NR6A1: variants seen among roughly 807,000 people sequenced by gnomAD.
NR6A1 encodes retinoic acid receptor-related testis-associated receptor.
A neutral mutation model predicts 59.1 loss-of-function variants in NR6A1; 7 were observed. The ratio of observed to expected loss-of-function variants is 0.12; its 90% CI spans 0.07 to 0.22. The LOEUF is 0.22. NR6A1 is among the 10% of genes least tolerant of loss of function. NR6A1 has a pLI of 1.00. For synonymous variants in NR6A1, 243 were observed against 236.1 expected (o/e 1.03, Z -0.27); for missense variants, 468 against 611.6 (o/e 0.77, Z 2.48).
intron 2 of NR6A1, among the ~76,000 whole-genome samples, chr9:124,714,313 T>C (rs891988980): frequency 9.8e-5 from 15 of 152,362 alleles, no homozygotes; most frequent in African/African-American, 1.7e-4. Context: ...ATGCTGGTGA[T>C]AGCTGCACAA....
At chr9:124,742,949 T>C (rs1163198270) in intron 1 of NR6A1, among the ~76,000 whole-genome samples, 2 of 152,214 alleles carry the variant, frequency 1.3e-5, no homozygotes, top group African/African-American at 4.8e-5. Flanking sequence ...TGGCTAGCCA[T>C]CCATAGACCT....
At chr9:124,646,580 C>T (rs961758979) in intron 2 of NR6A1, among the ~76,000 whole-genome samples, 3 of 152,178 alleles carry the variant, frequency 2.0e-5, no homozygotes, top group African/African-American at 4.8e-5. Context: ...AATCTTTAAG[C>T]TTCCCTGGGC....
intron 2 of NR6A1, among the ~76,000 whole-genome samples, chr9:124,666,556 A>G (rs1327444201): frequency 2.0e-5 from 3 of 152,154 alleles, no homozygotes; most frequent in Non-Finnish European, 4.4e-5. Flanking sequence ...TGGGATTACA[A>G]GCATGAGCAA....
intron 2 of NR6A1, among the ~76,000 whole-genome samples, chr9:124,687,311 T>TTTATTTATTTATTTAC (rs1838368503): frequency 6.6e-6 from 1 of 151,320 alleles, no homozygotes; most frequent in Admixed American, 6.6e-5. Flanking sequence ...TATTTATTTA[T>TTTATTTATTTATTTAC]TTATTTATTG....
At chr9:124,673,601 G>A (rs1471645231) in intron 2 of NR6A1, among the ~76,000 whole-genome samples, 1 of 152,072 alleles carries the variant, frequency 6.6e-6, no homozygotes, top group Admixed American at 6.6e-5. Context: ...TGACTTTTAG[G>A]AATGCCTGTG....
intron 2 of NR6A1, among the ~76,000 whole-genome samples, chr9:124,615,697 G>A (rs998735786): frequency 6.6e-6 from 1 of 151,682 alleles, no homozygotes; most frequent in Non-Finnish European, 1.5e-5. Flanking sequence ...TCAAAGAGCT[G>A]AACAAGAGAA....
At chr9:124,639,088 T>C (rs563689988) in intron 2 of NR6A1, among the ~76,000 whole-genome samples, 1 of 152,316 alleles carries the variant, frequency 6.6e-6, no homozygotes, top group African/African-American at 2.4e-5. Flanking sequence ...TTTACCTATA[T>C]TCTTATTTAA....
chr9:124,612,022 T>C (rs1267149960), intron 2 of NR6A1, among the ~76,000 whole-genome samples: 1 of 152,140 alleles, frequency 6.6e-6, no homozygotes, highest in East Asian at 1.9e-4. Context: ...AGCTCACCAC[T>C]ATTTTCTTGG....
In NR6A1 at chr9:124,652,479, G is replaced by A. The variant is rs557156355; in HGVS notation, c.142+80829C>T. On this transcript the variant is annotated intron_variant, in intron 2 of 9. Transcript: ENST00000487099. ...ACTGTTCCCCTGACAGCACTGTTAT[G>A]AGAATTAATTCAAAAACCAATGTCA... is the stretch of plus-strand genomic sequence containing the variant. Among the ~76,000 whole-genome samples, 4 of 152,252 alleles carry A rather than the reference G, an allele frequency of 2.6e-5. No individual in the cohort carries two copies. In the East Asian group the frequency reaches 7.7e-4, roughly 29 times the overall value.
At chr9:124,741,364 A>G (rs1441421783) in intron 1 of NR6A1, among the ~76,000 whole-genome samples, 2 of 152,248 alleles carry the variant, frequency 1.3e-5, no homozygotes, top group Non-Finnish European at 2.9e-5. Flanking sequence ...CAGCTGTTAT[A>G]AGAATAGGTC....
At position 124,633,175 on chromosome 9, in the gene NR6A1, C is replaced by T. The variant is rs371378879; in HGVS notation, c.143-78605G>A. ...ATCCCAGCTCTTTGGGAGGCCAAGGCGAGCGGATCACCAGGTCAGGAGATC... is the reference window on the plus strand; with the variant it reads ...ATCCCAGCTCTTTGGGAGGCCAAGGTGAGCGGATCACCAGGTCAGGAGATC... On this transcript the variant is annotated intron_variant, in intron 2 of 9. Transcript: ENST00000487099. Among the ~76,000 whole-genome samples, 19 of 152,132 alleles carry T rather than the reference C, an allele frequency of 1.2e-4. No individual in the cohort carries two copies. In the East Asian group the frequency reaches 2.5e-3, roughly 20 times the overall value.
At chr9:124,538,068 C>T in intron 6 of NR6A1, 24 bp downstream of exon 6, 1 of 1,576,690 alleles carries the variant, frequency 6.3e-7, no homozygotes, top group Non-Finnish European at 8.6e-7. Flanking sequence ...CTGCAAGGGG[C>T]CAAGAAGGGC....
Position 124,554,516 on chromosome 9 carries a change from C to T in NR6A1, c.197G>A (p.Arg66His), listed in dbSNP as rs771035345. Residue 66 changes from arginine to histidine, a missense_variant, in exon 3 of 10, where the codon CGC (arginine) becomes CAC (histidine). Arg to His is a conservative substitution (Grantham distance 29, BLOSUM62 0). Coordinates refer to ENST00000487099, the MANE Select transcript of NR6A1 (RefSeq NM_033334.4). ...GATCCCATAGTGCAAGCCTGTAGCG[C>T]GGTCCCCACAAATGAGACAGGTTCG... ...EQRTCLICGD[R>H]ATGLHYGIIS... The T allele has an allele frequency of 1.1e-5, 18 of 1,614,094 alleles. No homozygotes were observed. Among genetic ancestry groups the T allele is most frequent in the African/African-American group, 1.1e-4 (8 of 74,934 alleles).
At position 124,538,109 on chromosome 9, in the gene NR6A1, G is replaced by A. The variant is rs757626214; in HGVS notation, c.807C>T (p.Pro269=). Residue 269 remains proline (P), a synonymous_variant, in exon 6 of 10, where the codon CCC becomes CCT. Coordinates refer to ENST00000487099, the MANE Select transcript of NR6A1 (RefSeq NM_033334.4). ...TCACTCACCCATCTTCAATCAACAT[G>A]GGCGTGCCCAATGGTTCCAGGTCCT... The part of the protein sequence containing the change: ...SAEDLEPLGT[P]MLIEDGYAVT... The A allele has an allele frequency of 1.9e-6, 3 of 1,610,544 alleles. No individual in the cohort carries two copies. Among genetic ancestry groups the A allele is most frequent in the Non-Finnish European group, 2.5e-6 (3 of 1,178,074 alleles).
chr9:124,731,520 G>T (rs904844634), intron 2 of NR6A1, among the ~76,000 whole-genome samples: 1 of 141,572 alleles, frequency 7.1e-6, no homozygotes, highest in Non-Finnish European at 1.5e-5. Context: ...CTTCTACGCA[G>T]ACTTTTTTCA....
At chr9:124,674,612 A>G (rs1404175045) in intron 2 of NR6A1, among the ~76,000 whole-genome samples, 3 of 152,236 alleles carry the variant, frequency 2.0e-5, no homozygotes, top group African/African-American at 7.2e-5. Flanking sequence ...TATTATCTTA[A>G]TAACAGAGGT....
chr9:124,561,164 A>G (rs2131402183), intron 2 of NR6A1, among the ~76,000 whole-genome samples: 1 of 152,310 alleles, frequency 6.6e-6, no homozygotes, highest in East Asian at 1.9e-4. Flanking sequence ...GACCAGGCAC[A>G]GTGGCTCATG....
intron 6 of NR6A1, among the ~76,000 whole-genome samples, chr9:124,536,501 A>G (rs1833271378): frequency 6.6e-6 from 1 of 152,088 alleles, no homozygotes; most frequent in Non-Finnish European, 1.5e-5. Context: ...TCTACTAAAA[A>G]TACAAAAATT....
chr9:124,540,222 C>A (rs1416863625), intron 4 of NR6A1, 35 bp from the exon 5 acceptor site: 1 of 1,595,372 alleles, frequency 6.3e-7, no homozygotes, highest in Non-Finnish European at 8.5e-7. Context: ...TAGATGGGTG[C>A]TCAGGACACT....
Sources: gnomAD v4.1 joint callset for allele counts (sites outside exome capture counted in the v4.1 genomes callset) on GRCh38, gnomAD v4.1.1 for gene constraint, MANE v1.5 for transcripts, NCBI Gene and HGNC (gene_info 2026-07-23, HGNC 2026-07-21) for gene names.